Variants in FAM13B observed in about 807,000 individuals in gnomAD.
The protein encoded by FAM13B is protein FAM13B.
FAM13B carries 60 observed loss-of-function variants against 117.3 expected under a neutral mutation model. That is an observed-to-expected ratio of 0.51 (90% confidence interval 0.42 to 0.63). The LOEUF is 0.63. Among genes scored for constraint, FAM13B ranks in the 30% least tolerant of loss-of-function variants. The pLI is 0.00. For missense variants in FAM13B, 972 were observed against 1,091.9 expected, an observed-to-expected ratio of 0.89 and a Z score of 1.55; for synonymous variants, 332 against 356.1, an observed-to-expected ratio of 0.93 and a Z score of 0.76.
intron 12 of FAM13B, 106 bp from the exon 13 acceptor site, chr5:137,959,869 G>A (rs955152353): frequency 9.4e-7 from 1 of 1,064,102 alleles, no homozygotes; most frequent in Admixed American, 2.3e-5. Context: ...AGTTTACTGT[G>A]CCTATACAGC....
chr5:138,022,628 C>T (rs78386494), intron 1 of FAM13B, among the ~76,000 whole-genome samples: 9,306 of 152,146 alleles, frequency 0.061, 403 homozygotes, highest in Non-Finnish European at 0.086. Flanking sequence ...AAAACAATTT[C>T]GAAGTTAACT....
intron 14 of FAM13B, among the ~76,000 whole-genome samples, chr5:137,955,327 C>A (rs1461901645): frequency 6.6e-6 from 1 of 152,204 alleles, no homozygotes; most frequent in Non-Finnish European, 1.5e-5. Context: ...TAACATTAAA[C>A]TGTGATGGTT....
intron 7 of FAM13B, among the ~76,000 whole-genome samples, chr5:137,994,836 T>C (rs1419523129): frequency 6.6e-6 from 1 of 152,262 alleles, no homozygotes; most frequent in African/African-American, 2.4e-5. Context: ...ATAATCATCT[T>C]GAGAACATAA....
chr5:137,983,651 C>G (rs1411736797), intron 10 of FAM13B, among the ~76,000 whole-genome samples: 4 of 152,160 alleles, frequency 2.6e-5, no homozygotes, highest in East Asian at 3.8e-4. Context: ...AACTGAAAAG[C>G]TGTTCATCTA....
intron 17 of FAM13B, among the ~76,000 whole-genome samples, chr5:137,949,567 G>C (rs181758657): frequency 6.6e-6 from 1 of 152,264 alleles, no homozygotes; most frequent in Non-Finnish European, 1.5e-5. Flanking sequence ...ATCACTTGAG[G>C]TCAGGAGTTC....
Position 137,971,319 on chromosome 5 carries a change from G to A in FAM13B, c.1180-8850C>T, listed in dbSNP as rs923538907. On this transcript the variant is annotated intron_variant, in intron 10 of 23. Coordinates refer to ENST00000689681, the MANE Select transcript of FAM13B (RefSeq NM_001385994.1). ...AGGATTAAGAATCTCACTCAAAACT[G>A]CTCAACTACATGGCAACTGAACAAC... 4.8e-3 allele frequency among the ~76,000 whole-genome samples: 724 copies of A among 152,094 alleles called. 5 individuals carry two copies. Among genetic ancestry groups the A allele is most frequent in the Non-Finnish European group, 5.8e-3 (394 of 68,000 alleles).
chr5:138,018,904 A>G (rs1179863287), intron 3 of FAM13B, 51 bp downstream of exon 3: 3 of 1,454,094 alleles, frequency 2.1e-6, no homozygotes, highest in Non-Finnish European at 2.8e-6. Context: ...AAAAGGTGTA[A>G]GTTGTGTTTA....
At chr5:137,949,736 G>T (rs1306216160) in intron 17 of FAM13B, among the ~76,000 whole-genome samples, 3 of 151,796 alleles carry the variant, frequency 2.0e-5, no homozygotes, top group African/African-American at 7.3e-5. Flanking sequence ...GAAGGCGGAG[G>T]TTGCAGTGAG....
intron 1 of FAM13B, among the ~76,000 whole-genome samples, chr5:138,024,596 A>G (rs1787699593): frequency 6.6e-6 from 1 of 151,664 alleles, no homozygotes; most frequent in Non-Finnish European, 1.5e-5. Context: ...AAAAAAGAAA[A>G]AAAAGGAAAA....
chr5:138,028,970 G>T (rs890983834), intron 1 of FAM13B, among the ~76,000 whole-genome samples: 3 of 152,106 alleles, frequency 2.0e-5, no homozygotes, highest in Non-Finnish European at 4.4e-5. Flanking sequence ...AGTGAGCCGA[G>T]ATCGCCGCCA....
chr5:137,969,570 A>G (rs534727945), intron 10 of FAM13B, among the ~76,000 whole-genome samples: 11 of 152,386 alleles, frequency 7.2e-5, no homozygotes, highest in Non-Finnish European at 1.5e-4. Flanking sequence ...CCTCCAAAGG[A>G]ACGCAGTTCC....
chr5:138,033,889 C>A (rs978323808), upstream of FAM13B: 1 of 152,222 alleles, frequency 6.6e-6, no homozygotes, highest in African/African-American at 2.4e-5. Context: ...AAATAGCAGC[C>A]ACCACAATTC....
intron 14 of FAM13B, among the ~76,000 whole-genome samples, chr5:137,955,341 T>C (rs1766198647): frequency 2.6e-5 from 4 of 152,194 alleles, no homozygotes; most frequent in African/African-American, 9.6e-5. Flanking sequence ...GATGGTTATC[T>C]TCTGCTACAG....
intron 23 of FAM13B, among the ~76,000 whole-genome samples, chr5:137,941,637 A>G (rs960824178): frequency 1.3e-5 from 2 of 152,164 alleles, no homozygotes; most frequent in Admixed American, 6.5e-5. Flanking sequence ...AAAATAAGAG[A>G]TATCTCATTT....
intron 10 of FAM13B, among the ~76,000 whole-genome samples, chr5:137,971,684 G>T (rs1772203954): frequency 6.6e-6 from 1 of 151,382 alleles, no homozygotes; most frequent in East Asian, 1.9e-4. Context: ...CTGGTTTTTT[G>T]AAAGGATCAA....
At chr5:137,972,374 A>C (rs1392421226) in intron 10 of FAM13B, among the ~76,000 whole-genome samples, 1 of 152,180 alleles carries the variant, frequency 6.6e-6, no homozygotes. Context: ...CGATTATCTC[A>C]ATAGATGCAG....
chr5:138,025,655 T>TC (rs961825575), intron 1 of FAM13B, among the ~76,000 whole-genome samples: 10 of 151,952 alleles, frequency 6.6e-5, no homozygotes, highest in African/African-American at 2.2e-4. Context: ...CACCCCTTTT[T>TC]CCCCCCATGG....
intron 1 of FAM13B, among the ~76,000 whole-genome samples, chr5:138,050,911 A>G (rs1176537977): frequency 1.3e-5 from 2 of 152,208 alleles, no homozygotes; most frequent in African/African-American, 4.8e-5. Context: ...TACAAATACA[A>G]AAATAATACA....
chr5:137,975,824 T>G (rs1773750518), intron 10 of FAM13B, among the ~76,000 whole-genome samples: 1 of 151,950 alleles, frequency 6.6e-6, no homozygotes, highest in Admixed American at 6.6e-5. Context: ...CCTGGGTTTT[T>G]TTTTTTCTTT....
Sources: allele counts gnomAD v4.1 joint callset (sites outside exome capture counted in the v4.1 genomes callset), GRCh38; gene constraint gnomAD v4.1.1; transcripts MANE v1.5; gene names NCBI Gene and HGNC (gene_info 2026-07-23, HGNC 2026-07-21).